PROCR: variants seen among roughly 807,000 people sequenced by gnomAD.
The protein encoded by PROCR is endothelial protein C receptor.
A neutral mutation model predicts 24.2 loss-of-function variants in PROCR; 22 were observed. The observed-to-expected ratio is 0.91, with a 90% CI of 0.65 to 1.30. PROCR has a LOEUF of 1.30. Among genes scored for constraint, PROCR ranks in the 50% most tolerant of loss-of-function variants. PROCR has a pLI of 0.00. For missense variants in PROCR, 288 were observed against 307.7 expected (o/e 0.94, Z 0.48); for synonymous variants, 137 against 139.2 (o/e 0.98, Z 0.11).
At chr20:35,188,210 T>C (rs372683653) in intron 1 of PROCR, among the ~76,000 whole-genome samples, 2 of 152,188 alleles carry the variant, frequency 1.3e-5, no homozygotes, top group African/African-American at 4.8e-5. Context: ...ATGCAAAGAA[T>C]TGTGCTAACT....
intron 1 of PROCR, among the ~76,000 whole-genome samples, chr20:35,173,964 T>C (rs919333605): frequency 6.6e-6 from 1 of 152,194 alleles, no homozygotes; most frequent in Non-Finnish European, 1.5e-5. Flanking sequence ...TGTAGCAGAA[T>C]GGCTGAGTGC....
intron 1 of PROCR, among the ~76,000 whole-genome samples, chr20:35,210,924 G>A (rs766181687): frequency 3.9e-5 from 6 of 152,096 alleles, no homozygotes; most frequent in Non-Finnish European, 7.4e-5. Flanking sequence ...TGTTGGCCAG[G>A]CTGGTCTTGA....
At chr20:35,202,866 T>C (rs2146173781) in intron 1 of PROCR, 1 of 152,302 alleles carries the variant, frequency 6.6e-6, no homozygotes, top group African/African-American at 2.4e-5. Flanking sequence ...CGGACATTTA[T>C]AAAACACTCT....
At chr20:35,193,919 C>T (rs1449384595) in intron 1 of PROCR, among the ~76,000 whole-genome samples, 1 of 152,160 alleles carries the variant, frequency 6.6e-6, no homozygotes, top group Admixed American at 6.5e-5. Flanking sequence ...GTACTAAACC[C>T]TGAGGACGCC....
intron 2 of PROCR, 129 bp downstream of exon 2, chr20:35,175,082 G>A (rs2085997865): frequency 9.1e-7 from 1 of 1,104,916 alleles, no homozygotes; most frequent in East Asian, 2.7e-5. Flanking sequence ...ACTGGAGCTC[G>A]GTGGCGCCTG....
intron 1 of PROCR, among the ~76,000 whole-genome samples, chr20:35,191,019 C>A (rs1176496944): frequency 6.6e-6 from 1 of 152,008 alleles, no homozygotes; most frequent in Non-Finnish European, 1.5e-5. Context: ...ACCACCAGGC[C>A]CAGCTAATTT....
intron 2 of PROCR, 34 bp downstream of exon 2, chr20:35,174,987 C>CG: frequency 8.7e-6 from 1 of 115,318 alleles, no homozygotes; most frequent in Non-Finnish European, 1.2e-5. Context: ...GGGGTCTGGG[C>CG]GGGGCTAGTG....
chr20:35,171,904 G>A (rs2085953858), upstream of PROCR, among the ~76,000 whole-genome samples: 1 of 152,154 alleles, frequency 6.6e-6, no homozygotes, highest in Admixed American at 6.5e-5. Context: ...GGTCTGGGCA[G>A]GAGGGAGCAA....
rs890042218 is a variant in PROCR at position 35,176,090 on chromosome 20, C to T, written c.323-78C>T. On this transcript the variant is annotated intron_variant, in intron 2 of 3. Transcript: ENST00000216968. ...GCACTGACTCTTGCCTTCTCATGTT[C>T]TTTTCCCCTTGGTGGGCCTCGCCCC... is the stretch of plus-strand genomic sequence containing the variant. The T allele has an allele frequency of 2.7e-6, 4 of 1,495,882 alleles. No individual in the cohort carries two copies. The African/African-American group carries it at 4.2e-5, about 16-fold the overall frequency. The allele number at this position is 1,495,882 out of a possible 1,614,324, so 92.7% of individuals were successfully genotyped here.
At position 35,176,848 on chromosome 20, in the gene PROCR, A is replaced by T; in HGVS notation, c.*35A>T. ...AGCCCCCTCAGAAGGGGCTGGATTG[A>T]TGGAGGCTGGCAAGGGAAAGTTTCA... is the stretch of plus-strand genomic sequence containing the variant. On this transcript the variant is annotated 3_prime_UTR_variant, in exon 4 of 4. Coordinates refer to ENST00000216968, the MANE Select transcript of PROCR (RefSeq NM_006404.5). 6.2e-7 allele frequency: 1 copy of T among 1,606,830 alleles called. No homozygotes were observed. The highest frequency in any genetic ancestry group is 1.3e-5 in the African/African-American group (1 of 74,968).
At position 35,176,827 on chromosome 20, in the gene PROCR, C is replaced by A; in HGVS notation, c.*14C>A. On this transcript the variant is annotated 3_prime_UTR_variant, in exon 4 of 4. Transcript: ENST00000216968. The stretch of plus-strand genomic sequence containing the variant: ...CGGCGATGTTAATTACTCTCCAGCC[C>A]CCTCAGAAGGGGCTGGATTGATGGA... 6.2e-7 allele frequency: 1 copy of A among 1,612,846 alleles called. No homozygotes were observed. The highest frequency in any genetic ancestry group is 2.2e-5 in the East Asian group (1 of 44,858).
intron 1 of PROCR, among the ~76,000 whole-genome samples, chr20:35,210,212 C>T (rs538616378): frequency 6.6e-6 from 1 of 152,020 alleles, no homozygotes; most frequent in Non-Finnish European, 1.5e-5. Flanking sequence ...GGCAACAGAG[C>T]AAGACCCTAT....
intron 1 of PROCR, among the ~76,000 whole-genome samples, chr20:35,188,981 A>T (rs182074720): frequency 1.1e-3 from 175 of 152,264 alleles, no homozygotes; most frequent in Non-Finnish European, 2.0e-3. Flanking sequence ...TAAGCTGAGG[A>T]TGTATGTCAC....
At chr20:35,180,450 A>G (rs755189748), downstream of PROCR, among the ~76,000 whole-genome samples, 8 of 152,030 alleles carry the variant, frequency 5.3e-5, no homozygotes, top group Non-Finnish European at 1.2e-4. Flanking sequence ...AAGTTCGGTC[A>G]TTTTGGCCAA....
chr20:35,200,451 C>T (rs1322745440), intron 1 of PROCR, among the ~76,000 whole-genome samples: 1 of 152,066 alleles, frequency 6.6e-6, no homozygotes, highest in Non-Finnish European at 1.5e-5. Context: ...AGAACCTCCA[C>T]CAGAGAAAAG....
chr20:35,172,099 G>A lies in PROCR; in HGVS notation c.-56G>A. 1 of 1,562,770 alleles carries A rather than the reference G, an allele frequency of 6.4e-7. No individual in the cohort carries two copies. ...TTCTCTTTTCCCTAGACTGCAGCCA[G>A]CGGAGCCCGCAGCCGGCCCGAGCCA... is the stretch of plus-strand genomic sequence containing the variant. On this transcript the variant is annotated 5_prime_UTR_variant, in exon 1 of 4. Coordinates refer to ENST00000216968, the MANE Select transcript of PROCR (RefSeq NM_006404.5).
chr20:35,202,481 C>T (rs1416027665), intron 1 of PROCR: 12 of 130,800 alleles, frequency 9.2e-5, no homozygotes, highest in African/African-American at 3.0e-4. Context: ...CAAAGATTAT[C>T]GGATTGGAAA....
chr20:35,214,690 A>G (rs1396055190), intron 1 of PROCR, among the ~76,000 whole-genome samples: 3 of 133,664 alleles, frequency 2.2e-5, no homozygotes, highest in African/African-American at 1.1e-4. Flanking sequence ...CTCCATCTCA[A>G]AAAAAAAAAA....
chr20:35,172,078 C>CT lies in PROCR; in HGVS notation c.-73dup. The CT allele has an allele frequency of 6.9e-7, 1 of 1,438,912 alleles. No homozygotes were observed. The highest frequency in any genetic ancestry group is 9.8e-7 in the Non-Finnish European group (1 of 1,021,520). 89.1% of individuals were successfully genotyped at this position (1,438,912 alleles called of 1,614,324 possible). ...CCCCTCCCAGACGGTCCTCACTTCT[C>CT]TTTTCCCTAGACTGCAGCCAGCGGA... is the stretch of plus-strand genomic sequence containing the variant. On this transcript the variant is annotated 5_prime_UTR_variant, in exon 1 of 4. Transcript: ENST00000216968.
Sources: gnomAD v4.1 joint callset for allele counts (sites outside exome capture counted in the v4.1 genomes callset) on GRCh38, gnomAD v4.1.1 for gene constraint, MANE v1.5 for transcripts, NCBI Gene and HGNC (gene_info 2026-07-23, HGNC 2026-07-21) for gene names.